Variants in NAALADL2 observed in about 807,000 individuals in gnomAD.
The protein encoded by NAALADL2 is inactive N-acetylated-alpha-linked acidic dipeptidase-like protein 2.
A neutral mutation model predicts 87.2 loss-of-function variants in NAALADL2; 76 were observed. That is an observed-to-expected ratio of 0.87 (90% confidence interval 0.72 to 1.05). The LOEUF is 1.05. Ranked by LOEUF, NAALADL2 falls within the 50% of genes least tolerant of loss-of-function variation. The pLI is 0.00. For synonymous variants in NAALADL2, 354 were observed against 331.0 expected, an observed-to-expected ratio of 1.07 and a Z score of -0.75; for missense variants, 1,089 against 945.8, an observed-to-expected ratio of 1.15 and a Z score of -1.99.
intron 9 of NAALADL2, among the ~76,000 whole-genome samples, chr3:175,481,424 A>C (rs780272732): frequency 5.7e-4 from 87 of 151,584 alleles, no homozygotes; most frequent in Non-Finnish European, 9.3e-4. Context: ...GGGGAACAAA[A>C]AGCTACTGCT....
At chr3:174,628,494 A>AAAG (rs1553803257) in intron 2 of NAALADL2, among the ~76,000 whole-genome samples, 18 of 150,908 alleles carry the variant, frequency 1.2e-4, no homozygotes, top group South Asian at 2.1e-4. Flanking sequence ...AAAAAAAAAA[A>AAAG]AAAGATTATC....
At position 175,079,970 on chromosome 3, in the gene NAALADL2, C is replaced by CTTTTTT. The variant is rs754948428; in HGVS notation, c.44-16812_44-16807dup. Among the ~76,000 whole-genome samples, 1,057 of 144,264 alleles carry CTTTTTT rather than the reference C, an allele frequency of 7.3e-3. 14 individuals are homozygous for CTTTTTT. Among genetic ancestry groups the CTTTTTT allele is most frequent in the African/African-American group, 0.025 (960 of 38,856 alleles). 94.6% of individuals were successfully genotyped at this position (144,264 alleles called of 152,430 possible). A position where few individuals can be genotyped will look rare whatever the true frequency, so the allele number is the denominator to read the frequency against. ...ATTTCACATATTCTAGAAATATAGA[C>CTTTTTT]TTTTTTTTTTTTTGAGATGGAGTCT... On this transcript the variant is annotated intron_variant, in intron 1 of 13. Coordinates refer to ENST00000454872, the MANE Select transcript of NAALADL2 (RefSeq NM_207015.3).
chr3:175,068,188 C>A (rs1423961927), intron 1 of NAALADL2, among the ~76,000 whole-genome samples: 3 of 151,976 alleles, frequency 2.0e-5, no homozygotes, highest in African/African-American at 7.2e-5. Context: ...AAATCCTTAG[C>A]TTCATGCAAT....
chr3:175,164,950 G>C (rs957059651), intron 2 of NAALADL2, among the ~76,000 whole-genome samples: 6 of 152,122 alleles, frequency 3.9e-5, no homozygotes, highest in Non-Finnish European at 8.8e-5. Flanking sequence ...CCATATCTTT[G>C]AATGGAACTA....
chr3:175,349,262 G>A (rs1763481509), intron 5 of NAALADL2, among the ~76,000 whole-genome samples: 1 of 150,956 alleles, frequency 6.6e-6, no homozygotes, highest in Non-Finnish European at 1.5e-5. Flanking sequence ...AGAGACTGAG[G>A]AAAGCAGTTG....
At chr3:175,593,812 C>T (rs1721870000) in intron 10 of NAALADL2, among the ~76,000 whole-genome samples, 1 of 152,002 alleles carries the variant, frequency 6.6e-6, no homozygotes, top group Admixed American at 6.6e-5. Flanking sequence ...CCTGCAAAGA[C>T]CCTCTCTCCC....
intron 5 of NAALADL2, among the ~76,000 whole-genome samples, chr3:175,347,399 G>A (rs1763271098): frequency 6.6e-6 from 1 of 152,050 alleles, no homozygotes; most frequent in African/African-American, 2.4e-5. Flanking sequence ...TAAATATACT[G>A]GGTCTACCCC....
chr3:174,877,180 G>T (rs534367414), intron 1 of NAALADL2, among the ~76,000 whole-genome samples: 10 of 152,186 alleles, frequency 6.6e-5, no homozygotes, highest in South Asian at 4.1e-4. Context: ...CAAACATTCA[G>T]TCCATAAGTT....
intron 3 of NAALADL2, among the ~76,000 whole-genome samples, chr3:174,825,464 T>C (rs1721873763): frequency 1.3e-5 from 2 of 152,222 alleles, no homozygotes. Flanking sequence ...ATCTAGGCCC[T>C]GGATGGAATG....
chr3:174,506,521 C>T (rs1560020143), intron 1 of NAALADL2, among the ~76,000 whole-genome samples: 2 of 152,066 alleles, frequency 1.3e-5, no homozygotes, highest in South Asian at 4.1e-4. Context: ...AAAATGCTGT[C>T]TGTGGCATCT....
intron 5 of NAALADL2, among the ~76,000 whole-genome samples, chr3:175,364,383 A>G (rs1169818279): frequency 6.8e-6 from 1 of 148,052 alleles, no homozygotes; most frequent in Admixed American, 6.9e-5. Context: ...AGAAGGCAAG[A>G]GAAAAGATGG....
intron 11 of NAALADL2, among the ~76,000 whole-genome samples, chr3:175,695,952 C>G (rs77795040): frequency 1.3e-5 from 2 of 152,116 alleles, no homozygotes; most frequent in Admixed American, 6.5e-5. Flanking sequence ...AGCTCGCCAT[C>G]TCACTGGGTA....
intron 7 of NAALADL2, among the ~76,000 whole-genome samples, chr3:175,465,020 T>C (rs1723754564): frequency 6.6e-6 from 1 of 152,162 alleles, no homozygotes; most frequent in African/African-American, 2.4e-5. Flanking sequence ...AAATCGATTT[T>C]ACCATTAGTA....
At chr3:175,430,606 C>T (rs1717586715) in intron 5 of NAALADL2, among the ~76,000 whole-genome samples, 1 of 151,942 alleles carries the variant, frequency 6.6e-6, no homozygotes, top group Non-Finnish European at 1.5e-5. Context: ...CTCTGTTATC[C>T]AGAGGCAGAT....
chr3:175,112,330 C>T (rs1015859221), intron 2 of NAALADL2, among the ~76,000 whole-genome samples: 1 of 151,574 alleles, frequency 6.6e-6, no homozygotes, highest in Non-Finnish European at 1.5e-5. Flanking sequence ...ATTAGGGTCT[C>T]ATGCTCCATA....
intron 2 of NAALADL2, among the ~76,000 whole-genome samples, chr3:174,610,563 A>C (rs1298170171): frequency 5.3e-5 from 8 of 152,184 alleles, no homozygotes; most frequent in Non-Finnish European, 8.8e-5. Context: ...ACACGTGAAA[A>C]AATGCTCACC....
chr3:174,641,430 T>TATA (rs10662684), intron 2 of NAALADL2, among the ~76,000 whole-genome samples: 7,288 of 152,172 alleles, frequency 0.048, 624 homozygotes, highest in African/African-American at 0.17. Flanking sequence ...TAAGATTTAC[T>TATA]ATGGTGAAAA....
chr3:175,663,808 TG>T (rs1732600802), intron 11 of NAALADL2, among the ~76,000 whole-genome samples: 1 of 151,866 alleles, frequency 6.6e-6, no homozygotes, highest in South Asian at 2.1e-4. Flanking sequence ...AAATTTGGAT[TG>T]GTGGTATTTG....
At chr3:175,302,044 A>AAGC (rs61580269) in intron 4 of NAALADL2, among the ~76,000 whole-genome samples, 25,398 of 152,112 alleles carry the variant, frequency 0.17, 2,233 homozygotes, top group African/African-American at 0.21. Context: ...GTGATGCAGA[A>AAGC]AGCAGTAATC....
Sources: gnomAD v4.1 joint callset for allele counts (sites outside exome capture counted in the v4.1 genomes callset) on GRCh38, gnomAD v4.1.1 for gene constraint, MANE v1.5 for transcripts, NCBI Gene and HGNC (gene_info 2026-07-23, HGNC 2026-07-21) for gene names.